Variants in GABRA5 observed in about 807,000 individuals in gnomAD.
The protein encoded by GABRA5 is gamma-aminobutyric acid type A receptor subunit alpha5, also known as gamma-aminobutyric acid receptor subunit alpha-5.
Under a neutral mutation model 47.3 loss-of-function variants are expected in GABRA5, and 18 were observed. That is an observed-to-expected ratio of 0.38 (90% CI 0.26 to 0.56). The LOEUF (loss-of-function observed/expected upper bound fraction) is 0.56. GABRA5 is among the 20% of genes least tolerant of loss of function. The pLI is 0.71. For missense variants in GABRA5, 365 were observed against 599.3 expected (o/e 0.61, Z 4.08); for synonymous variants, 237 against 229.3 (o/e 1.03, Z -0.30).
In GABRA5 at chr15:26,935,540, G is replaced by A. The variant is rs1289303529; in HGVS notation, c.581-1645G>A. The stretch of plus-strand genomic sequence containing the variant: ...CTCCTTGCTGGCAGTGCTCAGGCAC[G>A]TGCCCCTGGTCTCGGGTTAGTATGC... On this transcript the variant is annotated intron_variant, in intron 7 of 10. Transcript: ENST00000335625. Among the ~76,000 whole-genome samples the A allele has an allele frequency of 3.9e-5, 6 of 152,196 alleles. No individual in the cohort carries two copies. In the East Asian group the frequency reaches 1.2e-3, roughly 29 times the overall value.
intron 6 of GABRA5, among the ~76,000 whole-genome samples, chr15:26,900,274 A>T (rs961610622): frequency 1.3e-5 from 2 of 152,006 alleles, no homozygotes; most frequent in East Asian, 3.9e-4. Context: ...TTATTATTTT[A>T]TGCATTATTT....
Position 26,883,095 on chromosome 15 carries a change from T to G in GABRA5, c.209-71T>G. 2 of 1,262,542 alleles carry G rather than the reference T, an allele frequency of 1.6e-6. No individual in the cohort carries two copies. Among genetic ancestry groups the G allele is most frequent in the Non-Finnish European group, 2.3e-6 (2 of 859,210 alleles). The allele number at this position is 1,262,542 out of a possible 1,614,324, so 78.2% of individuals were successfully genotyped here. A position where few individuals can be genotyped will look rare whatever the true frequency, so the allele number is the denominator to read the frequency against. ...CAGAGGGTGACCCTGGTTACTGGAC[T>G]GAGAGCACGAGAGTGTGCCAGACGC... On this transcript the variant is annotated intron_variant, in intron 4 of 10. Coordinates refer to ENST00000335625, the MANE Select transcript of GABRA5 (RefSeq NM_000810.4). The surrounding 1 kb of genome is among the most constrained non-coding windows in gnomAD (Gnocchi z 4.8).
At chr15:26,939,649 G>T in intron 8 of GABRA5, 2 of 598,440 alleles carry the variant, frequency 3.3e-6, no homozygotes, top group East Asian at 5.5e-5. Context: ...GGCACAGATT[G>T]TGACTGGAGA....
At chr15:26,893,670 C>G (rs550758526) in intron 6 of GABRA5, among the ~76,000 whole-genome samples, 6 of 151,976 alleles carry the variant, frequency 3.9e-5, no homozygotes, top group Non-Finnish European at 7.4e-5. Context: ...GCCTGCTCAC[C>G]CTGGAGTGGC....
At chr15:26,922,528 C>G (rs892007631) in intron 7 of GABRA5, among the ~76,000 whole-genome samples, 7 of 152,060 alleles carry the variant, frequency 4.6e-5, no homozygotes, top group Non-Finnish European at 1.0e-4. Flanking sequence ...CAATATTTAT[C>G]TTTTAATTGA....
rs142504393 is a variant in GABRA5, at chr15:26,910,741, G to A, written c.498-4062G>A. On this transcript the variant is annotated intron_variant, in intron 6 of 10. Coordinates refer to ENST00000335625, the MANE Select transcript of GABRA5 (RefSeq NM_000810.4). ...GAAATTGGACCTTTGTAAAAATACTGGATTCCTGGGTCTTCCAGTAATTCA... is the reference window on the plus strand; with the variant it reads ...GAAATTGGACCTTTGTAAAAATACTAGATTCCTGGGTCTTCCAGTAATTCA... Among the ~76,000 whole-genome samples, 229 of 152,264 alleles carry A rather than the reference G, an allele frequency of 1.5e-3. 1 individual carries two copies. Among genetic ancestry groups the A allele is most frequent in the African/African-American group, 5.2e-3 (218 of 41,546 alleles).
intron 6 of GABRA5, among the ~76,000 whole-genome samples, chr15:26,891,079 A>T (rs1892994208): frequency 6.6e-6 from 1 of 152,234 alleles, no homozygotes; most frequent in Admixed American, 6.5e-5. Flanking sequence ...GTGACCAGAC[A>T]TATTCTGGGC....
intron 6 of GABRA5, among the ~76,000 whole-genome samples, chr15:26,895,466 A>G (rs540080094): frequency 6.6e-6 from 1 of 152,018 alleles, no homozygotes; most frequent in East Asian, 1.9e-4. Context: ...AAGTTATCCA[A>G]CTGCTTCATG....
At chr15:26,938,791 G>A (rs1894310153) in intron 8 of GABRA5, among the ~76,000 whole-genome samples, 1 of 152,216 alleles carries the variant, frequency 6.6e-6, no homozygotes, top group Non-Finnish European at 1.5e-5. Flanking sequence ...TGTGTTAGAG[G>A]GCAGATTTTT....
intron 10 of GABRA5, among the ~76,000 whole-genome samples, chr15:26,944,529 G>A (rs1894465530): frequency 1.3e-5 from 2 of 152,192 alleles, no homozygotes; most frequent in African/African-American, 4.8e-5. Flanking sequence ...CTCGGGCATG[G>A]GTATGCTTTG....
intron 3 of GABRA5, among the ~76,000 whole-genome samples, chr15:26,879,227 G>A (rs560938677): frequency 6.6e-6 from 1 of 152,188 alleles, no homozygotes; most frequent in African/African-American, 2.4e-5. Flanking sequence ...TTGCAAACTC[G>A]GTGACAATTA....
At chr15:26,918,711 T>A (rs1476348919) in intron 7 of GABRA5, among the ~76,000 whole-genome samples, 2 of 152,230 alleles carry the variant, frequency 1.3e-5, no homozygotes, top group Non-Finnish European at 2.9e-5. Context: ...TTCTTCTTTA[T>A]CTCTTGTGAC....
rs1188923643 is a variant in GABRA5, at chr15:26,867,139, G to A, written c.-140+28G>A. ...GAGAGCGGGCGCGAGTGCGCCGGGG[G>A]CGCTGGGGGGCTCTGCGGCGGGCGG... On this transcript the variant is annotated intron_variant, in intron 1 of 10. Transcript: ENST00000335625. This position sits in a 1 kb window ranked among gnomAD's most constrained non-coding sequence, Gnocchi z 5.9. 1 of 150,514 alleles carries A rather than the reference G, an allele frequency of 6.6e-6. No homozygotes were observed. The highest frequency in any genetic ancestry group is 1.5e-5 in the Non-Finnish European group (1 of 67,492). 9.3% of individuals were successfully genotyped at this position (150,514 alleles called of 1,614,324 possible). A position where few individuals can be genotyped will look rare whatever the true frequency, so the allele number is the denominator to read the frequency against.
At chr15:26,945,774 G>T (rs1368909847) in intron 10 of GABRA5, among the ~76,000 whole-genome samples, 1 of 152,146 alleles carries the variant, frequency 6.6e-6, no homozygotes, top group African/African-American at 2.4e-5. Flanking sequence ...CACCACCAGC[G>T]CCGTGACTAT....
At chr15:26,927,828 A>G (rs1893997260) in intron 7 of GABRA5, among the ~76,000 whole-genome samples, 1 of 152,228 alleles carries the variant, frequency 6.6e-6, no homozygotes, top group Admixed American at 6.5e-5. Flanking sequence ...AATATGTGTC[A>G]TTATTCTAAT....
In GABRA5 at chr15:26,946,397, T is replaced by C. The variant is rs1894511726; in HGVS notation, c.1090-1537T>C. Among the ~76,000 whole-genome samples, 2 of 151,830 alleles carry C rather than the reference T, an allele frequency of 1.3e-5. 1 individual carries two copies. Among genetic ancestry groups the C allele is most frequent in the South Asian group, 4.2e-4 (2 of 4,818 alleles). On this transcript the variant is annotated intron_variant, in intron 10 of 10. Coordinates refer to ENST00000335625, the MANE Select transcript of GABRA5 (RefSeq NM_000810.4). ...CCTCACCACCTGTCACCTCTCTCTCTATCTGTCCATCAATACACCCATCCT... is the reference window on the plus strand; with the variant it reads ...CCTCACCACCTGTCACCTCTCTCTCCATCTGTCCATCAATACACCCATCCT...
rs1025575270 is a variant in GABRA5, at chr15:26,896,677, G to T, written c.497+13120G>T. ...TTTATTTTTACAATGAGAAGTGCTAGTGTGATTATACACACTGGCCTAAAG... is the reference window on the plus strand; with the variant it reads ...TTTATTTTTACAATGAGAAGTGCTATTGTGATTATACACACTGGCCTAAAG... On this transcript the variant is annotated intron_variant, in intron 6 of 10. Coordinates refer to ENST00000335625, the MANE Select transcript of GABRA5 (RefSeq NM_000810.4). Among the ~76,000 whole-genome samples, 6 of 152,180 alleles carry T rather than the reference G, an allele frequency of 3.9e-5. No homozygotes were observed. In the South Asian group the frequency reaches 1.2e-3, roughly 32 times the overall value.
intron 3 of GABRA5, among the ~76,000 whole-genome samples, chr15:26,872,547 G>A (rs1378620721): frequency 1.3e-5 from 2 of 152,168 alleles, no homozygotes; most frequent in Non-Finnish European, 1.5e-5. Flanking sequence ...AGTACTTGGG[G>A]ATTAGCGGGA....
chr15:26,943,077 C>G lies in GABRA5; in HGVS notation c.878-138C>G, dbSNP rs113404614. 8,726 of 660,080 alleles carry G rather than the reference C, an allele frequency of 0.013. 605 individuals are homozygous for G. In the African/African-American group the frequency reaches 0.14, roughly 11 times the overall value. The allele number at this position is 660,080 out of a possible 1,614,324, so 40.9% of individuals were successfully genotyped here. A position where few individuals can be genotyped will look rare whatever the true frequency, so the allele number is the denominator to read the frequency against. The stretch of plus-strand genomic sequence containing the variant: ...CCAGCCTGGGCGACAGAGCAAGACT[C>G]TGTCTCAAAATAAAAATAAAAATAA... On this transcript the variant is annotated intron_variant, in intron 9 of 10. Coordinates refer to ENST00000335625, the MANE Select transcript of GABRA5 (RefSeq NM_000810.4).
Sources: gnomAD v4.1 joint callset for allele counts (sites outside exome capture counted in the v4.1 genomes callset) on GRCh38, gnomAD v4.1.1 for gene constraint, Gnocchi (gnomAD v3.1) non-coding constraint, MANE v1.5 for transcripts, NCBI Gene and HGNC (gene_info 2026-07-23, HGNC 2026-07-21) for gene names.